Variants in KMT2C observed in about 807,000 individuals in gnomAD.
KMT2C encodes the protein lysine methyltransferase 2C.
Under a neutral mutation model 507.9 loss-of-function variants are expected in KMT2C, and 88 were observed. The ratio of observed to expected loss-of-function variants is 0.17; its 90% confidence interval spans 0.15 to 0.21. KMT2C has a LOEUF of 0.21. Among genes scored for constraint, KMT2C ranks in the 10% least tolerant of loss-of-function variants. KMT2C has a pLI of 1.00. For missense variants in KMT2C, 4,954 were observed against 5,957.8 expected, an observed-to-expected ratio of 0.83 and a Z score of 5.55; for synonymous variants, 2,049 against 2,080.8, an observed-to-expected ratio of 0.98 and a Z score of 0.42.
chr7:152,194,153 A>T, intron 30 of KMT2C, 25 bp from the exon 31 acceptor site: 1 of 1,565,430 alleles, frequency 6.4e-7, no homozygotes, highest in Non-Finnish European at 8.6e-7. Context: ...AATAATAGTA[A>T]CAAGATTAAA....
intron 6 of KMT2C, among the ~76,000 whole-genome samples, chr7:152,281,990 G>A (rs1464582026): frequency 6.6e-6 from 1 of 151,852 alleles, no homozygotes; most frequent in Non-Finnish European, 1.5e-5. Context: ...TTTTATTTAG[G>A]TTGTAAGAAA....
Position 152,163,607 on chromosome 7 carries a change from T to A in KMT2C, c.9970A>T (p.Thr3324Ser). The change falls in exon 43 of 59, where the codon ACT (threonine) becomes TCT (serine). Residue 3324 changes from threonine to serine, a missense_variant. Transcript: ENST00000262189. Reference sequence around the variant, plus strand: ...AAACTGGGCATTCTAACAGGGCTAGTATGGCCAGAAATAACTGTTGTGTGC... The same window carrying A: ...AAACTGGGCATTCTAACAGGGCTAGAATGGCCAGAAATAACTGTTGTGTGC... Reference protein sequence around the residue: ...QQHTTVISGHTSPVRMPSLPG... With the variant: ...QQHTTVISGHSSPVRMPSLPG... The A allele has an allele frequency of 6.2e-7, 1 of 1,606,984 alleles. No homozygotes were observed. The highest frequency in any genetic ancestry group is 1.3e-5 in the African/African-American group (1 of 74,926).
intron 42 of KMT2C, among the ~76,000 whole-genome samples, chr7:152,164,856 G>A (rs868265484): frequency 2.0e-5 from 3 of 152,094 alleles, no homozygotes; most frequent in Non-Finnish European, 4.4e-5. Flanking sequence ...CAATCAAGAC[G>A]CAAACTATGT....
At chr7:152,356,710 G>C (rs2097154640) in intron 2 of KMT2C, among the ~76,000 whole-genome samples, 1 of 151,314 alleles carries the variant, frequency 6.6e-6, no homozygotes, top group Non-Finnish European at 1.5e-5. Context: ...CCAATATGGT[G>C]AAACCCCATC....
intron 1 of KMT2C, among the ~76,000 whole-genome samples, chr7:152,393,276 T>G (rs1564098745): frequency 6.6e-6 from 1 of 152,232 alleles, no homozygotes; most frequent in Non-Finnish European, 1.5e-5. Flanking sequence ...TAAATTTCAA[T>G]GGAGATTCAC....
intron 16 of KMT2C, among the ~76,000 whole-genome samples, chr7:152,233,307 T>C (rs1313379448): frequency 6.6e-6 from 1 of 152,188 alleles, no homozygotes; most frequent in Non-Finnish European, 1.5e-5. Flanking sequence ...TACGTGCTAT[T>C]GTTGCCTGCA....
Position 152,196,095 on chromosome 7 carries a change from T to TA in KMT2C, c.4274-85dup, listed in dbSNP as rs959121791. The TA allele has an allele frequency of 4.7e-6, 3 of 636,326 alleles. No individual in the cohort carries two copies. The African/African-American group carries it at 5.7e-5, about 12-fold the overall frequency. The allele number at this position is 636,326 out of a possible 1,614,324, so 39.4% of individuals were successfully genotyped here. A position where few individuals can be genotyped will look rare whatever the true frequency, so the allele number is the denominator to read the frequency against. On this transcript the variant is annotated intron_variant, in intron 27 of 58. Transcript: ENST00000262189. ...TGCTAAAAACCTAGAGTACAGCAGATACTGAGTGAGGCAAGTACTGGAATA... is the reference window on the plus strand; with the variant it reads ...TGCTAAAAACCTAGAGTACAGCAGATAACTGAGTGAGGCAAGTACTGGAATA...
At chr7:152,168,441 T>C (rs2092828324) in intron 41 of KMT2C, among the ~76,000 whole-genome samples, 1 of 152,208 alleles carries the variant, frequency 6.6e-6, no homozygotes, top group Non-Finnish European at 1.5e-5. Context: ...GGTTTGTTCC[T>C]AAACCCAGAA....
chr7:152,293,733 CA>C (rs1428221373), intron 6 of KMT2C, among the ~76,000 whole-genome samples: 1 of 152,076 alleles, frequency 6.6e-6, no homozygotes, highest in East Asian at 1.9e-4. Context: ...ATGGGCCTAC[CA>C]AAATTTAACT....
chr7:152,357,064 C>T (rs2129230209), intron 2 of KMT2C, among the ~76,000 whole-genome samples: 1 of 151,070 alleles, frequency 6.6e-6, no homozygotes, highest in Middle Eastern at 3.5e-3. Context: ...CCTGTCTCTA[C>T]TAAAAATACG....
chr7:152,269,121 T>G (rs555813092), intron 7 of KMT2C, among the ~76,000 whole-genome samples: 1 of 152,336 alleles, frequency 6.6e-6, no homozygotes, highest in East Asian at 1.9e-4. Context: ...AGCACTGTTA[T>G]ACACAACAAA....
At chr7:152,377,091 G>A (rs375397333) in intron 1 of KMT2C, among the ~76,000 whole-genome samples, 1,937 of 94,172 alleles carry the variant, frequency 0.021, no homozygotes, top group African/African-American at 0.057. Context: ...GTAACTTGAC[G>A]TTGAAGCTAA....
chr7:152,408,019 G>A (rs2097638156), intron 1 of KMT2C, among the ~76,000 whole-genome samples: 1 of 151,908 alleles, frequency 6.6e-6, no homozygotes, highest in Admixed American at 6.6e-5. Context: ...GCCGGGTGGG[G>A]TGGCTCACGC....
At chr7:152,279,865 A>G (rs1368426536) in intron 6 of KMT2C, among the ~76,000 whole-genome samples, 3 of 152,204 alleles carry the variant, frequency 2.0e-5, no homozygotes, top group Non-Finnish European at 4.4e-5. Context: ...CTCAATACAG[A>G]ATGTGTGGTA....
intron 14 of KMT2C, among the ~76,000 whole-genome samples, chr7:152,243,855 T>G (rs1483483212): frequency 6.6e-6 from 1 of 152,138 alleles, no homozygotes; most frequent in African/African-American, 2.4e-5. Flanking sequence ...ATAAAATGCT[T>G]AATAAAAACT....
intron 3 of KMT2C, among the ~76,000 whole-genome samples, chr7:152,321,931 T>C (rs2096776381): frequency 1.3e-5 from 2 of 151,848 alleles, no homozygotes; most frequent in Non-Finnish European, 2.9e-5. Context: ...TAAATTTATA[T>C]GGAAGCACAG....
chr7:152,419,036 A>G (rs955991189), intron 1 of KMT2C, among the ~76,000 whole-genome samples: 3 of 152,094 alleles, frequency 2.0e-5, no homozygotes, highest in African/African-American at 7.2e-5. Context: ...CCCTACATAA[A>G]AAGATTTGTT....
At chr7:152,322,631 T>C (rs571970176) in intron 3 of KMT2C, among the ~76,000 whole-genome samples, 5 of 151,956 alleles carry the variant, frequency 3.3e-5, no homozygotes, top group Non-Finnish European at 7.4e-5. Flanking sequence ...AGGGAGAAAG[T>C]TCCATGTGGG....
intron 7 of KMT2C, among the ~76,000 whole-genome samples, chr7:152,269,247 T>C (rs2095913984): frequency 2.0e-5 from 3 of 152,196 alleles, no homozygotes; most frequent in African/African-American, 4.8e-5. Context: ...CTATGGATCA[T>C]TGGTAATAAA....
Sources: allele counts gnomAD v4.1 joint callset (sites outside exome capture counted in the v4.1 genomes callset), GRCh38; gene constraint gnomAD v4.1.1; transcripts MANE v1.5; gene names NCBI Gene and HGNC (gene_info 2026-07-23, HGNC 2026-07-21).